Variants in SNAP91 observed in about 807,000 individuals in gnomAD.
The protein encoded by SNAP91 is synaptosome associated protein 91, also known as clathrin coat assembly protein AP180.
A neutral mutation model predicts 100.3 loss-of-function variants in SNAP91; 27 were observed. That is an observed-to-expected ratio of 0.27 (90% CI 0.20 to 0.37). SNAP91 has a LOEUF of 0.37. Ranked by LOEUF, SNAP91 falls within the 10% of genes least tolerant of loss-of-function variation. SNAP91 has a pLI of 1.00. For synonymous variants in SNAP91, 404 were observed against 398.6 expected, an observed-to-expected ratio of 1.01 and a Z score of -0.16; for missense variants, 986 against 1,123.7, an observed-to-expected ratio of 0.88 and a Z score of 1.75.
chr6:83,576,033 T>C lies in SNAP91; in HGVS notation c.2320A>G (p.Thr774Ala). Residue 774 changes from threonine (T) to alanine (A), a missense_variant, in exon 25 of 30, where the codon ACA becomes GCA. Physicochemically the swap from Thr to Ala is moderately conservative, Grantham distance 58. This residue lies in a region of SNAP91 where 575 missense variants were observed against 579.9 expected (regional missense o/e 0.99). Transcript: ENST00000369694. ...LVGNLGISGT[T>A]TKKGDLQWNA... ...TTTCCAAACACTTACTTTTTTGTTGTGGTACCAGAAATTCCAAGATCTATA... is the reference window on the plus strand; with the variant it reads ...TTTCCAAACACTTACTTTTTTGTTGCGGTACCAGAAATTCCAAGATCTATA... 7.0e-7 allele frequency: 1 copy of C among 1,418,702 alleles called. No individual in the cohort carries two copies. The highest frequency in any genetic ancestry group is 9.6e-7 in the Non-Finnish European group (1 of 1,041,268). The allele number at this position is 1,418,702 out of a possible 1,614,324, so 87.9% of individuals were successfully genotyped here.
intron 21 of SNAP91, 43 bp downstream of exon 21, chr6:83,592,412 G>T: frequency 7.6e-7 from 1 of 1,311,350 alleles, no homozygotes; most frequent in Non-Finnish European, 1.1e-6. Context: ...TTATTCTGAA[G>T]AAAAAAAGAT....
chr6:83,635,157 T>C (rs1352740718), intron 8 of SNAP91, among the ~76,000 whole-genome samples: 3 of 152,288 alleles, frequency 2.0e-5, no homozygotes, highest in South Asian at 2.1e-4. Context: ...TTAGGTCCAA[T>C]TGGTCTAGTG....
At position 83,592,515 on chromosome 6, in the gene SNAP91, G is replaced by A. The variant is rs1478316265; in HGVS notation, c.1870C>T (p.Pro624Ser). ...LSVDAFAAPS[P>S]ATTASPAKVD... Reference sequence around the variant, plus strand: ...TTTGCTGGCGAGGCAGTGGTTGCAGGAGATGGTGCTGCAAATGCATCCACT... The same window carrying A: ...TTTGCTGGCGAGGCAGTGGTTGCAGAAGATGGTGCTGCAAATGCATCCACT... Residue 624 changes from proline to serine, a missense_variant, in exon 21 of 30, where the codon CCT (proline) becomes TCT (serine). Transcript: ENST00000369694. 1 of 1,610,050 alleles carries A rather than the reference G, an allele frequency of 6.2e-7. No individual in the cohort carries two copies.
intron 26 of SNAP91, among the ~76,000 whole-genome samples, chr6:83,564,275 AG>A (rs1370055645): frequency 6.6e-6 from 1 of 151,966 alleles, no homozygotes; most frequent in Non-Finnish European, 1.5e-5. Context: ...ATTTTTGACA[AG>A]GTTATCAAAA....
intron 12 of SNAP91, among the ~76,000 whole-genome samples, chr6:83,608,829 C>T (rs578091415): frequency 1.3e-5 from 2 of 152,216 alleles, no homozygotes; most frequent in South Asian, 4.1e-4. Context: ...TTTAGCACTT[C>T]AAGAAAGGTG....
intron 28 of SNAP91, among the ~76,000 whole-genome samples, chr6:83,556,573 C>A (rs546213372): frequency 6.6e-6 from 1 of 152,160 alleles, no homozygotes; most frequent in East Asian, 1.9e-4. Context: ...CAGATTTAGC[C>A]AAAGTAAAAT....
intron 29 of SNAP91, among the ~76,000 whole-genome samples, chr6:83,554,813 A>C (rs1775316280): frequency 6.6e-6 from 1 of 152,146 alleles, no homozygotes; most frequent in African/African-American, 2.4e-5. Context: ...TGGCTAATTC[A>C]TGCATCATTC....
intron 9 of SNAP91, among the ~76,000 whole-genome samples, chr6:83,618,471 C>T (rs1407308499): frequency 6.6e-6 from 1 of 151,300 alleles, no homozygotes; most frequent in Non-Finnish European, 1.5e-5. Flanking sequence ...TTAATAAATT[C>T]TAATAAAACA....
intron 2 of SNAP91, among the ~76,000 whole-genome samples, chr6:83,701,461 T>C (rs1390560666): frequency 6.6e-6 from 1 of 151,980 alleles, no homozygotes; most frequent in African/African-American, 2.4e-5. Context: ...TTTTTTTTTT[T>C]TGAGACAAAG....
intron 12 of SNAP91, 49 bp from the exon 13 acceptor site, chr6:83,607,857 G>T: frequency 2.6e-6 from 3 of 1,162,482 alleles, no homozygotes; most frequent in South Asian, 1.5e-5. Context: ...GAATCTACAG[G>T]ACACAGGGCA....
chr6:83,583,093 A>G (rs561050243), intron 22 of SNAP91, among the ~76,000 whole-genome samples: 1 of 152,312 alleles, frequency 6.6e-6, no homozygotes, highest in East Asian at 1.9e-4. Context: ...TGGCCCCTGC[A>G]GCAAAGCAGG....
At chr6:83,687,602 G>A (rs2099077152) in intron 2 of SNAP91, among the ~76,000 whole-genome samples, 1 of 152,132 alleles carries the variant, frequency 6.6e-6, no homozygotes, top group South Asian at 2.1e-4. Context: ...GTTTGGCTGA[G>A]TGAAATGGGG....
In SNAP91 at chr6:83,591,217, G is replaced by A; in HGVS notation, c.2008C>T (p.Leu670=). ...ASSSSASADL[L]AGFGGSFMAP... The stretch of plus-strand genomic sequence containing the variant: ...ACCATTTTAATTTAATTACCAGCTA[G>A]TAGGTCTGCCGATGCTGATGAACTA... Residue 670 remains leucine, a synonymous_variant, in exon 22 of 30, where the codon CTA becomes TTA. Transcript: ENST00000369694. 1 of 1,602,408 alleles carries A rather than the reference G, an allele frequency of 6.2e-7. No individual in the cohort carries two copies. Among genetic ancestry groups the A allele is most frequent in the Non-Finnish European group, 8.5e-7 (1 of 1,170,168 alleles).
At chr6:83,589,170 C>T (rs2093351776) in intron 22 of SNAP91, among the ~76,000 whole-genome samples, 1 of 152,080 alleles carries the variant, frequency 6.6e-6, no homozygotes, top group Admixed American at 6.6e-5. Flanking sequence ...TTGCTGAACC[C>T]CCAAAATGTG....
chr6:83,700,350 C>G (rs2099275743), intron 2 of SNAP91, among the ~76,000 whole-genome samples: 1 of 151,872 alleles, frequency 6.6e-6, no homozygotes, highest in African/African-American at 2.4e-5. Flanking sequence ...AGGGCCAAAT[C>G]ACTGGCAATA....
At chr6:83,668,248 C>T (rs2098722213) in intron 2 of SNAP91, among the ~76,000 whole-genome samples, 1 of 152,134 alleles carries the variant, frequency 6.6e-6, no homozygotes, top group African/African-American at 2.4e-5. Context: ...TAAACTAGTT[C>T]AACCATTGTG....
Position 83,678,853 on chromosome 6 carries a change from C to A in SNAP91, c.131-13272G>T. 5.5e-6 allele frequency: 7 copies of A among 1,266,938 alleles called. No individual in the cohort carries two copies. In the South Asian group the frequency reaches 9.0e-5, roughly 16 times the overall value. 78.5% of individuals were successfully genotyped at this position (1,266,938 alleles called of 1,614,324 possible). On this transcript the variant is annotated intron_variant, in intron 2 of 29. Coordinates refer to ENST00000369694, the MANE Select transcript of SNAP91 (RefSeq NM_001242792.2). ...ATAAAAATCCAAGTCTGTTTTCTCT[C>A]GGAAGTACCAAGGAATACAACTTTA...
chr6:83,603,022 A>G (rs552272871), intron 14 of SNAP91, among the ~76,000 whole-genome samples: 48 of 152,292 alleles, frequency 3.2e-4, no homozygotes, highest in Non-Finnish European at 5.9e-5. Context: ...GAAAGTTTAC[A>G]TGGTTTTCAC....
chr6:83,602,429 G>C (rs2095319355), intron 14 of SNAP91, among the ~76,000 whole-genome samples: 1 of 152,046 alleles, frequency 6.6e-6, no homozygotes, highest in South Asian at 2.1e-4. Context: ...TAGGCTTACA[G>C]AGTTTTACAG....
Sources: allele counts gnomAD v4.1 joint callset (sites outside exome capture counted in the v4.1 genomes callset), GRCh38; gene constraint gnomAD v4.1.1; regional missense constraint gnomAD v4.1.1; transcripts MANE v1.5; gene names NCBI Gene and HGNC (gene_info 2026-07-23, HGNC 2026-07-21).